TMEM255A: variants seen among roughly 807,000 people sequenced by gnomAD.
TMEM255A encodes the protein transmembrane protein 255A.
In TMEM255A, 14 loss-of-function variants were observed where a neutral mutation model predicts 23.5. The ratio of observed to expected loss-of-function variants is 0.60; its 90% CI spans 0.39 to 0.93. The LOEUF (loss-of-function observed/expected upper bound fraction) is 0.93, where lower values mean the gene tolerates loss of function less well. TMEM255A is among the 40% of genes least tolerant of loss of function. TMEM255A has a pLI of 0.00. For synonymous variants in TMEM255A, 104 were observed against 100.3 expected, an observed-to-expected ratio of 1.04 and a Z score of -0.22; for missense variants, 233 against 261.7, an observed-to-expected ratio of 0.89 and a Z score of 0.76.
chrX:120,254,242 T>G (rs782140589), downstream of TMEM255A: 1 of 1,210,462 alleles, frequency 8.3e-7, no homozygotes, highest in African/African-American at 1.7e-5. Context: ...CCAACACATC[T>G]GACTCCCAAT....
intron 6 of TMEM255A, among the ~76,000 whole-genome samples, chrX:120,283,774 C>T (rs1452814450): frequency 9.0e-6 from 1 of 111,349 alleles, no homozygotes; most frequent in Non-Finnish European, 1.9e-5. Context: ...CTATGGCCTG[C>T]GCTCTTGCAA....
At chrX:120,286,086 C>T (rs1188563996) in intron 5 of TMEM255A, 2 of 312,460 alleles carry the variant, frequency 6.4e-6, no homozygotes, top group African/African-American at 2.8e-5. Flanking sequence ...CCTATCTAAC[C>T]TGAGAACAGT....
rs140514545 is a variant in TMEM255A, at chrX:120,281,994, C to A, written c.512+3133G>T. 6.0e-3 allele frequency among the ~76,000 whole-genome samples: 679 copies of A among 112,274 alleles called. 4 individuals are homozygous for A. Among genetic ancestry groups the A allele is most frequent in the Middle Eastern group, 9.3e-3 (2 of 216 alleles). The stretch of plus-strand genomic sequence containing the variant: ...TTCTGTAGCACTGTACAAATGACTG[C>A]CTGATGTTTTTGTTCCCACTTTTTT... On this transcript the variant is annotated intron_variant, in intron 6 of 8. Coordinates refer to ENST00000371369, the MANE Select transcript of TMEM255A (RefSeq NM_001104544.3).
intron 3 of TMEM255A, among the ~76,000 whole-genome samples, chrX:120,293,151 GA>G (rs2057928424): frequency 8.9e-6 from 1 of 112,621 alleles, no homozygotes; most frequent in Non-Finnish European, 1.9e-5. Context: ...AACTTGCTGT[GA>G]AATAGACCCC....
intron 6 of TMEM255A, among the ~76,000 whole-genome samples, chrX:120,283,675 C>G (rs2057852770): frequency 8.9e-6 from 1 of 111,898 alleles, no homozygotes; most frequent in Non-Finnish European, 1.9e-5. Context: ...ATCACCTACT[C>G]ACACATCCCT....
At position 120,277,003 on chromosome X, in the gene TMEM255A, C is replaced by T; in HGVS notation, c.557G>A (p.Ser186Asn). ...TGGYYEYIDV[S>N]SCQDIIHLYH... ...GAGGTGGATGATATCTTGGCAACTG[C>T]TGACATCGATGTATTCGTAGTACCC... Residue 186 changes from serine to asparagine, a missense_variant, in exon 7 of 9, where the codon AGC becomes AAC. Transcript: ENST00000371369. 8.3e-7 allele frequency: 1 copy of T among 1,210,933 alleles called. No homozygotes were observed. The highest frequency in any genetic ancestry group is 1.1e-6 in the Non-Finnish European group (1 of 894,966).
At chrX:120,286,166 G>A (rs1569336918) in intron 5 of TMEM255A, among the ~76,000 whole-genome samples, 1 of 112,142 alleles carries the variant, frequency 8.9e-6, no homozygotes, top group East Asian at 2.8e-4. Flanking sequence ...CATAATCAAA[G>A]TATTTGCCAT....
At chrX:120,280,519 A>T (rs1556020675) in intron 6 of TMEM255A, among the ~76,000 whole-genome samples, 1 of 108,672 alleles carries the variant, frequency 9.2e-6, no homozygotes, top group African/African-American at 3.4e-5. Context: ...GAGATTCAGG[A>T]TTCCATTTGG....
intron 2 of TMEM255A, among the ~76,000 whole-genome samples, chrX:120,299,281 C>T (rs925301569): frequency 9.9e-5 from 11 of 111,654 alleles, no homozygotes; most frequent in African/African-American, 3.6e-4. Context: ...GTAGCTGGGA[C>T]TACAGGCCTG....
At chrX:120,290,984 T>A (rs1556022784) in intron 4 of TMEM255A, among the ~76,000 whole-genome samples, 1 of 111,644 alleles carries the variant, frequency 9.0e-6, no homozygotes, top group East Asian at 2.8e-4. Flanking sequence ...CTACCACCAC[T>A]GAATGCCTTC....
At chrX:120,282,659 A>G (rs1426811034) in intron 6 of TMEM255A, among the ~76,000 whole-genome samples, 8 of 111,692 alleles carry the variant, frequency 7.2e-5, no homozygotes, top group African/African-American at 2.6e-4. Flanking sequence ...TCCTCATAAA[A>G]TTCCTTGAAG....
chrX:120,284,565 C>A (rs2057860526), intron 6 of TMEM255A, among the ~76,000 whole-genome samples: 3 of 110,609 alleles, frequency 2.7e-5, no homozygotes, highest in African/African-American at 6.6e-5. Context: ...CACCCCTCAT[C>A]ACTATCTACC....
chrX:120,299,161 A>T (rs1477531266), intron 2 of TMEM255A, among the ~76,000 whole-genome samples: 1 of 111,713 alleles, frequency 9.0e-6, no homozygotes, highest in Non-Finnish European at 1.9e-5. Flanking sequence ...TTATTTATTT[A>T]GAGACAGGAT....
chrX:120,292,974 T>G (rs1215496487), intron 3 of TMEM255A, among the ~76,000 whole-genome samples: 2 of 112,116 alleles, frequency 1.8e-5, no homozygotes, highest in Non-Finnish European at 3.8e-5. Flanking sequence ...CCCCCATTAT[T>G]TTGAATAATT....
chrX:120,254,583 A>G, downstream of TMEM255A: 2 of 1,211,615 alleles, frequency 1.7e-6, no homozygotes, highest in Non-Finnish European at 1.1e-6. Context: ...CAATTCCTTA[A>G]AAATTTCAGA....
intron 2 of TMEM255A, among the ~76,000 whole-genome samples, chrX:120,298,427 T>G (rs1186772067): frequency 2.8e-5 from 3 of 108,857 alleles, no homozygotes; most frequent in Non-Finnish European, 5.8e-5. Flanking sequence ...TAAAAAAGTG[T>G]TTTTTTTTCT....
Position 120,260,771 on chromosome X carries a change from T to G in TMEM255A, c.*99A>C. ...CCTGGCAGGCCATTGTAAAACTTTA[T>G]GCATAAGAGTCACACTTTAAATTTT... On this transcript the variant is annotated 3_prime_UTR_variant, in exon 9 of 9. Coordinates refer to ENST00000371369, the MANE Select transcript of TMEM255A (RefSeq NM_001104544.3). 1 of 1,074,936 alleles carries G rather than the reference T, an allele frequency of 9.3e-7. No homozygotes were observed. The highest frequency in any genetic ancestry group is 1.2e-6 in the Non-Finnish European group (1 of 803,156). The allele number at this position is 1,074,936 out of a possible 1,213,427, so 88.6% of individuals were successfully genotyped here. A position where few individuals can be genotyped will look rare whatever the true frequency, so the allele number is the denominator to read the frequency against.
At chrX:120,272,740 A>ATT (rs781928518) in intron 7 of TMEM255A, among the ~76,000 whole-genome samples, 6,397 of 80,913 alleles carry the variant, frequency 0.079, 625 homozygotes, top group African/African-American at 0.23. Flanking sequence ...GTCTTGGGCT[A>ATT]TTTTTTTTTT....
chrX:120,311,304 A>T lies in TMEM255A; in HGVS notation c.6T>A (p.His2Gln). The T allele has an allele frequency of 3.4e-6, 4 of 1,179,207 alleles. No individual in the cohort carries two copies. The highest frequency in any genetic ancestry group is 4.6e-6 in the Non-Finnish European group (4 of 878,508). Residue 2 changes from histidine to glutamine, a missense_variant, in exon 1 of 9, where the codon CAT (histidine) becomes CAA (glutamine). His to Gln is a conservative substitution (Grantham distance 24). Transcript: ENST00000371369. M[H>Q]QSLTQQRSSD... is the part of the protein sequence containing the mutation. ...TGGACCGCTGCTGAGTCAGGGACTG[A>T]TGCATGGTGAAAACTGCCCGGTTGC...
Sources: allele counts gnomAD v4.1 joint callset (sites outside exome capture counted in the v4.1 genomes callset), GRCh38; gene constraint gnomAD v4.1.1; transcripts MANE v1.5; gene names NCBI Gene and HGNC (gene_info 2026-07-23, HGNC 2026-07-21).